Variants in PTN observed in about 807,000 individuals in gnomAD.
PTN encodes pleiotrophin.
Under a neutral mutation model 24.1 loss-of-function variants are expected in PTN, and 18 were observed. The observed-to-expected ratio is 0.75, with a 90% CI of 0.52 to 1.11. PTN has a LOEUF of 1.11. Ranked by LOEUF, PTN falls within the 50% of genes least tolerant of loss-of-function variation. The pLI is 0.00. For synonymous variants in PTN, 78 were observed against 68.6 expected (o/e 1.14, Z -0.67); for missense variants, 163 against 198.8 (o/e 0.82, Z 1.08).
intron 1 of PTN, among the ~76,000 whole-genome samples, chr7:137,261,238 A>G (rs1450614480): frequency 6.6e-6 from 1 of 152,194 alleles, no homozygotes; most frequent in Non-Finnish European, 1.5e-5. Context: ...TTTTAAGACC[A>G]AAATCTGGGC....
intron 4 of PTN, among the ~76,000 whole-genome samples, chr7:137,241,864 A>G (rs1188750864): frequency 6.6e-6 from 1 of 152,216 alleles, no homozygotes; most frequent in East Asian, 1.9e-4. Context: ...GTACAAGGGC[A>G]GTAATCATCA....
At chr7:137,251,626 C>T (rs146687533) in intron 3 of PTN, among the ~76,000 whole-genome samples, 1 of 149,120 alleles carries the variant, frequency 6.7e-6, no homozygotes, top group African/African-American at 2.6e-5. Context: ...CTAATATACA[C>T]TATTAATATA....
intron 1 of PTN, among the ~76,000 whole-genome samples, chr7:137,255,613 T>C (rs370335937): frequency 1.3e-5 from 2 of 152,334 alleles, no homozygotes; most frequent in Middle Eastern, 3.4e-3. Context: ...TCAAACACAA[T>C]GATAAATTCG....
intron 1 of PTN, among the ~76,000 whole-genome samples, chr7:137,310,013 A>T (rs1585039076): frequency 6.6e-6 from 1 of 152,226 alleles, no homozygotes; most frequent in Non-Finnish European, 1.5e-5. Context: ...TATGGCAGCT[A>T]TAGCCTGCAA....
intron 1 of PTN, among the ~76,000 whole-genome samples, chr7:137,300,038 G>C (rs947615824): frequency 1.4e-4 from 21 of 151,754 alleles, no homozygotes; most frequent in Admixed American, 1.1e-3. Context: ...CCAAGATGAA[G>C]TGGCTGCCCG....
chr7:137,236,299 G>C, intron 4 of PTN: 1 of 701,480 alleles, frequency 1.4e-6, no homozygotes, highest in South Asian at 1.5e-5. Context: ...GGCCCATTCA[G>C]GATGCACTTT....
chr7:137,264,416 C>T (rs1042695480), intron 1 of PTN, among the ~76,000 whole-genome samples: 21 of 152,138 alleles, frequency 1.4e-4, no homozygotes, highest in Admixed American at 3.3e-4. Context: ...AAATGAGTCC[C>T]GCGATGAGTT....
intron 1 of PTN, among the ~76,000 whole-genome samples, chr7:137,295,896 T>C (rs1369369865): frequency 6.6e-6 from 1 of 151,954 alleles, no homozygotes; most frequent in Non-Finnish European, 1.5e-5. Flanking sequence ...GTCAGCTGCC[T>C]CAGCCCCTGC....
intron 1 of PTN, among the ~76,000 whole-genome samples, chr7:137,281,979 G>C (rs1224296769): frequency 1.3e-5 from 2 of 152,184 alleles, no homozygotes; most frequent in Non-Finnish European, 2.9e-5. Context: ...TAGAAACAGG[G>C]TTTGAACTCA....
chr7:137,331,175 C>T (rs1357626658), intron 1 of PTN, among the ~76,000 whole-genome samples: 9 of 125,734 alleles, frequency 7.2e-5, no homozygotes, highest in Admixed American at 6.1e-4. Context: ...ATTAGAAACC[C>T]ACAGAGCCTG....
At chr7:137,318,547 T>C (rs1810110579) in intron 1 of PTN, 1 of 152,232 alleles carries the variant, frequency 6.6e-6, no homozygotes, top group Non-Finnish European at 1.5e-5. Context: ...CTAAGTTTCA[T>C]TTAACTTTCT....
chr7:137,251,304 A>G lies in PTN; in HGVS notation c.377T>C (p.Leu126Pro), dbSNP rs1297720470. 6.2e-7 allele frequency: 1 copy of G among 1,614,022 alleles called. No individual in the cohort carries two copies. Among genetic ancestry groups the G allele is most frequent in the Non-Finnish European group, 8.5e-7 (1 of 1,180,022 alleles). The change falls in exon 4 of 5, where the codon CTG becomes CCG. Residue 126 changes from leucine (L) to proline (P), a missense_variant. Physicochemically the swap from Leu to Pro is moderately conservative, Grantham distance 98 (BLOSUM62 -3). Coordinates refer to ENST00000348225, the MANE Select transcript of PTN (RefSeq NM_002825.7). ...KTRTGSLKRA[L>P]HNAECQKTVT... is the part of the protein sequence containing the mutation. ...AGTCTTCTGGCATTCGGCATTGTGC[A>G]GGGCTCGCTTCAGACTTCCAGTTCT...
rs869311084 is a variant in PTN at position 137,269,624 on chromosome 7, A to ATTTTTTTTTTTTTTTTT, written c.-1-14667_-1-14651dup. Reference sequence around the variant, plus strand: ...TGCTATCTGTCAAGCTGCTTCATCTATTTTTTTTTTTTTTTTTTTTTTTTT... The same window carrying ATTTTTTTTTTTTTTTTT: ...TGCTATCTGTCAAGCTGCTTCATCTATTTTTTTTTTTTTTTTTTTTTTTTTTTTTTTTTTTTTTTTTT... On this transcript the variant is annotated intron_variant, in intron 1 of 4. Transcript: ENST00000348225. 7.9e-5 allele frequency among the ~76,000 whole-genome samples: 5 copies of ATTTTTTTTTTTTTTTTT among 63,010 alleles called. 1 individual carries two copies. The highest frequency in any genetic ancestry group is 3.7e-4 in the African/African-American group (5 of 13,424). The allele number at this position is 63,010 out of a possible 152,430, so 41.3% of individuals were successfully genotyped here.
chr7:137,332,015 C>G (rs1810366947), intron 1 of PTN, among the ~76,000 whole-genome samples: 1 of 152,188 alleles, frequency 6.6e-6, no homozygotes, highest in African/African-American at 2.4e-5. Flanking sequence ...ATTTACTTAG[C>G]ATTTTTTATG....
Position 137,308,087 on chromosome 7 carries a change from T to C in PTN, c.-2+35352A>G, listed in dbSNP as rs187214261. 3.8e-3 allele frequency among the ~76,000 whole-genome samples: 582 copies of C among 152,278 alleles called. 4 individuals carry two copies. The highest frequency in any genetic ancestry group is 0.013 in the African/African-American group (533 of 41,560). On this transcript the variant is annotated intron_variant, in intron 1 of 4. Coordinates refer to ENST00000348225, the MANE Select transcript of PTN (RefSeq NM_002825.7). ...GAGGCACACCTATTTCCTTGCAATC[T>C]TACTCTTTCTGACTTGATTTTCTTA... is the stretch of plus-strand genomic sequence containing the variant.
chr7:137,316,056 T>C (rs1181938823), intron 1 of PTN, among the ~76,000 whole-genome samples: 1 of 152,204 alleles, frequency 6.6e-6, no homozygotes, highest in Non-Finnish European at 1.5e-5. Flanking sequence ...TGATCTCCTC[T>C]TGCCTGCTGC....
At chr7:137,336,519 G>T (rs1262998540) in intron 1 of PTN, among the ~76,000 whole-genome samples, 1 of 152,184 alleles carries the variant, frequency 6.6e-6, no homozygotes, top group Non-Finnish European at 1.5e-5. Flanking sequence ...CTGCATCGGA[G>T]ACTTTGCCTG....
At chr7:137,299,616 T>G (rs1809773963) in intron 1 of PTN, among the ~76,000 whole-genome samples, 1 of 151,884 alleles carries the variant, frequency 6.6e-6, no homozygotes, top group Non-Finnish European at 1.5e-5. Context: ...AGGCAGAAAG[T>G]GCTAAAAACC....
chr7:137,342,409 C>T (rs1166630366), intron 1 of PTN, among the ~76,000 whole-genome samples: 1 of 152,176 alleles, frequency 6.6e-6, no homozygotes, highest in Non-Finnish European at 1.5e-5. Context: ...ATATTTTCTC[C>T]TCTTAGCACC....
Sources: allele counts gnomAD v4.1 joint callset (sites outside exome capture counted in the v4.1 genomes callset), GRCh38; gene constraint gnomAD v4.1.1; transcripts MANE v1.5; gene names NCBI Gene and HGNC (gene_info 2026-07-23, HGNC 2026-07-21).